The following UROS variants were observed in gnomAD, a reference collection of about 807,000 sequenced individuals.
UROS encodes the protein uroporphyrinogen-III synthase.
In UROS, 18 loss-of-function variants were observed where a neutral mutation model predicts 33.0. The ratio of observed to expected loss-of-function variants is 0.55; its 90% confidence interval spans 0.38 to 0.81. UROS has a LOEUF of 0.81. UROS is among the 30% of genes least tolerant of loss of function. The pLI is 0.00. For missense variants in UROS, 293 were observed against 314.9 expected, an observed-to-expected ratio of 0.93 and a Z score of 0.53; for synonymous variants, 114 against 121.1, an observed-to-expected ratio of 0.94 and a Z score of 0.38.
At chr10:125,785,096 G>C (rs1309612065), downstream of UROS, 1 of 152,202 alleles carries the variant, frequency 6.6e-6, no homozygotes, top group Non-Finnish European at 1.5e-5. Context: ...AAATCTCGTA[G>C]TAATAGTGGC....
At chr10:125,801,010 T>C (rs1851804614) in intron 6 of UROS, among the ~76,000 whole-genome samples, 3 of 152,254 alleles carry the variant, frequency 2.0e-5, no homozygotes, top group Non-Finnish European at 2.9e-5. Flanking sequence ...TGACACTGAC[T>C]TTTTAAAATG....
chr10:125,802,652 C>T, intron 6 of UROS: 1 of 1,194,968 alleles, frequency 8.4e-7, no homozygotes, highest in Non-Finnish European at 1.0e-6. Flanking sequence ...TTACAGTCTC[C>T]TGAACTGTAT....
At chr10:125,811,615 T>G (rs1167534929) in intron 5 of UROS, among the ~76,000 whole-genome samples, 1 of 152,230 alleles carries the variant, frequency 6.6e-6, no homozygotes, top group Non-Finnish European at 1.5e-5. Flanking sequence ...CCTCTAATAT[T>G]TTCAAATTCA....
chr10:125,813,761 G>A (rs1239855335), intron 4 of UROS, among the ~76,000 whole-genome samples: 5 of 152,248 alleles, frequency 3.3e-5, no homozygotes, highest in Admixed American at 6.5e-5. Flanking sequence ...TTACAGGCAT[G>A]AGCCACTGCG....
At chr10:125,803,309 C>T (rs932980422) in intron 6 of UROS, among the ~76,000 whole-genome samples, 2 of 152,178 alleles carry the variant, frequency 1.3e-5, no homozygotes, top group Non-Finnish European at 2.9e-5. Flanking sequence ...AGACTCATAA[C>T]GGGCCCTCAA....
chr10:125,808,308 G>C (rs1010256142), intron 5 of UROS, among the ~76,000 whole-genome samples: 76 of 152,224 alleles, frequency 5.0e-4, no homozygotes, highest in African/African-American at 1.8e-3. Flanking sequence ...ACAGAGCCTG[G>C]TTAGTAACAA....
In UROS at chr10:125,814,980, G is replaced by A. The variant is rs1853169727; in HGVS notation, c.244+54C>T. Reference sequence around the variant, plus strand: ...CTTCTGGAATTTAGTCTCCCAGCAGGAGAAATAAGAGTAAATAAATGTCCA... The same window carrying A: ...CTTCTGGAATTTAGTCTCCCAGCAGAAGAAATAAGAGTAAATAAATGTCCA... On this transcript the variant is annotated intron_variant, in intron 4 of 9. Transcript: ENST00000368797. 4 of 1,587,882 alleles carry A rather than the reference G, an allele frequency of 2.5e-6. No homozygotes were observed. In the Admixed American group the frequency reaches 5.1e-5, roughly 20 times the overall value.
In UROS at chr10:125,815,031, C is replaced by T; in HGVS notation, c.244+3G>A. On this transcript the variant is annotated splice_donor_region_variant and intron_variant, in intron 4 of 9. Coordinates refer to ENST00000368797, the MANE Select transcript of UROS (RefSeq NM_000375.3). Reference sequence around the variant, plus strand: ...GTGGAATCCACAGCAGACCCACCCTCACCTTCAGTTTTATTGTTTTGCTCC... The same window carrying T: ...GTGGAATCCACAGCAGACCCACCCTTACCTTCAGTTTTATTGTTTTGCTCC... The T allele has an allele frequency of 6.2e-7, 1 of 1,614,170 alleles. No individual in the cohort carries two copies. The highest frequency in any genetic ancestry group is 8.5e-7 in the Non-Finnish European group (1 of 1,180,016).
At chr10:125,815,968 C>G (rs1590004335) in intron 3 of UROS, among the ~76,000 whole-genome samples, 1 of 152,316 alleles carries the variant, frequency 6.6e-6, no homozygotes, top group East Asian at 1.9e-4. Context: ...GCCCCAATCT[C>G]TGAGTCTGGG....
chr10:125,814,052 C>T (rs1212887005), intron 4 of UROS, among the ~76,000 whole-genome samples: 1 of 152,202 alleles, frequency 6.6e-6, no homozygotes, highest in East Asian at 1.9e-4. Flanking sequence ...ACCCTTTGTT[C>T]TCCAGGGTCC....
chr10:125,790,409 A>G (rs1348390198), intron 9 of UROS, among the ~76,000 whole-genome samples: 1 of 152,244 alleles, frequency 6.6e-6, no homozygotes, highest in East Asian at 1.9e-4. Flanking sequence ...CACCCGAAGC[A>G]CAAGAAACAA....
intron 1 of UROS, among the ~76,000 whole-genome samples, chr10:125,819,437 C>T (rs926743621): frequency 1.3e-5 from 2 of 152,156 alleles, no homozygotes; most frequent in African/African-American, 4.8e-5. Flanking sequence ...TTTGGTGCCA[C>T]GTGACTCAGA....
At chr10:125,822,426 G>A (rs1247327638) in intron 1 of UROS, among the ~76,000 whole-genome samples, 3 of 151,982 alleles carry the variant, frequency 2.0e-5, no homozygotes, top group Non-Finnish European at 4.4e-5. Flanking sequence ...GGGGGCATGC[G>A]ATTCTCCTGC....
At chr10:125,810,009 A>C (rs1852666505) in intron 5 of UROS, among the ~76,000 whole-genome samples, 1 of 152,164 alleles carries the variant, frequency 6.6e-6, no homozygotes, top group Non-Finnish European at 1.5e-5. Context: ...CCTTGTTTTC[A>C]TTTCTACTTC....
chr10:125,807,272 C>T, intron 6 of UROS, 141 bp downstream of exon 6: 1 of 750,172 alleles, frequency 1.3e-6, no homozygotes, highest in Admixed American at 2.1e-5. Flanking sequence ...ATAGGCTATG[C>T]TCCCAGAGTG....
At chr10:125,796,312 G>A in intron 7 of UROS, 124 bp from the exon 8 acceptor site, 1 of 988,266 alleles carries the variant, frequency 1.0e-6, no homozygotes, top group Non-Finnish European at 1.6e-6. Context: ...CGAGCTGCTT[G>A]GAAGCTGAGA....
In UROS at chr10:125,798,681, C is replaced by A. The variant is rs116371974; in HGVS notation, c.395-536G>T. Among the ~76,000 whole-genome samples the A allele has an allele frequency of 1.6e-3, 238 of 152,366 alleles. 1 individual carries two copies. The highest frequency in any genetic ancestry group is 5.4e-3 in the African/African-American group (223 of 41,586). On this transcript the variant is annotated intron_variant, in intron 6 of 9. Transcript: ENST00000368797. The stretch of plus-strand genomic sequence containing the variant: ...CTCCTCTTCTAGCCACACCAACAGC[C>A]ACTAGGCCAAGTGCCAAAAGGCGAA...
chr10:125,803,085 G>A (rs1851977342), intron 6 of UROS: 1 of 1,610,778 alleles, frequency 6.2e-7, no homozygotes, highest in South Asian at 1.1e-5. Context: ...GAAGCACACA[G>A]AGCAAGGGAG....
intron 9 of UROS, 60 bp from the exon 10 acceptor site, chr10:125,789,065 C>A: frequency 1.3e-6 from 2 of 1,598,650 alleles, no homozygotes; most frequent in East Asian, 2.2e-5. Context: ...GGGCAGCAGG[C>A]AGCTGGATGT....
Sources: allele counts gnomAD v4.1 joint callset (sites outside exome capture counted in the v4.1 genomes callset), GRCh38; gene constraint gnomAD v4.1.1; transcripts MANE v1.5; gene names NCBI Gene and HGNC (gene_info 2026-07-23, HGNC 2026-07-21).